The following TNFRSF10D variants were observed in gnomAD, a reference collection of about 807,000 sequenced individuals.
The protein encoded by TNFRSF10D is tumor necrosis factor receptor superfamily member 10D.
A neutral mutation model predicts 42.1 loss-of-function variants in TNFRSF10D; 28 were observed. That is an observed-to-expected ratio of 0.66 (90% CI 0.49 to 0.91). TNFRSF10D has a LOEUF of 0.91. Ranked by LOEUF, TNFRSF10D falls within the 40% of genes least tolerant of loss-of-function variation. The pLI is 0.00. For missense variants in TNFRSF10D, 503 were observed against 486.1 expected, an observed-to-expected ratio of 1.03 and a Z score of -0.33; for synonymous variants, 186 against 189.4, an observed-to-expected ratio of 0.98 and a Z score of 0.15.
rs55636833 is a variant in TNFRSF10D at position 23,144,577 on chromosome 8, C to A, written c.827G>T (p.Arg276Leu). Residue 276 changes from arginine (R) to leucine (L), a missense_variant, in exon 7 of 9, where the codon CGC (arginine) becomes CTC (leucine). Arg to Leu is a moderately radical substitution (Grantham distance 102). Transcript: ENST00000312584. ...SRVPGAEDNARNETLSNRYLQ... is the reference protein window; with the variant it reads ...SRVPGAEDNALNETLSNRYLQ... ...GTATCTGTTACTCAGGGTCTCGTTG[C>A]GGGCATTGTCCTCCGCCCCAGGAAC... is the stretch of plus-strand genomic sequence containing the variant. 6.2e-7 allele frequency: 1 copy of A among 1,614,120 alleles called. No individual in the cohort carries two copies. The highest frequency in any genetic ancestry group is 8.5e-7 in the Non-Finnish European group (1 of 1,180,014).
chr8:23,137,337 T>C lies in TNFRSF10D; in HGVS notation c.*533A>G, dbSNP rs1334231069. 6.6e-6 allele frequency: 1 copy of C among 152,510 alleles called. No individual in the cohort carries two copies. The highest frequency in any genetic ancestry group is 2.4e-5 in the African/African-American group (1 of 41,446). 9.4% of individuals were successfully genotyped at this position (152,510 alleles called of 1,614,324 possible). A position where few individuals can be genotyped will look rare whatever the true frequency, so the allele number is the denominator to read the frequency against. ...GTTAAAAAACTATAAGGCAAAGCAT[T>C]GTGGCTGTGCGGCATCTGTAGTTAG... On this transcript the variant is annotated 3_prime_UTR_variant, in exon 9 of 9. Transcript: ENST00000312584.
chr8:23,157,104 A>G (rs552648269), intron 1 of TNFRSF10D, among the ~76,000 whole-genome samples: 19 of 152,276 alleles, frequency 1.2e-4, no homozygotes, highest in African/African-American at 4.1e-4. Flanking sequence ...GTTTTTTAAT[A>G]TACTCATAGC....
intron 1 of TNFRSF10D, among the ~76,000 whole-genome samples, 178 bp downstream of exon 1, chr8:23,163,608 C>T (rs1800407041): frequency 1.3e-5 from 2 of 152,116 alleles, no homozygotes; most frequent in Non-Finnish European, 2.9e-5. Flanking sequence ...CCCGGTCGCT[C>T]CTGCCCAGCC....
chr8:23,146,070 C>T (rs1326204978), intron 4 of TNFRSF10D, 149 bp from the exon 5 acceptor site: 1 of 1,059,702 alleles, frequency 9.4e-7, no homozygotes, highest in South Asian at 1.4e-5. Flanking sequence ...CCTGTGCTCC[C>T]TTCTTGAGGC....
At position 23,145,733 on chromosome 8, in the gene TNFRSF10D, GCTAAAATGATGA is replaced by G. The variant is rs372742075; in HGVS notation, c.659_670del (p.Val220_Leu223del). The stretch of plus-strand genomic sequence containing the variant: ...ACATGAAAAGCCAACCACAACCACA[GCTAAAATGATGA>G]CTAAAACCACTATGATGATAAGGTA... On this transcript the variant is annotated inframe_deletion, in exon 5 of 9. Transcript: ENST00000312584. 2,432 of 1,613,414 alleles carry G rather than the reference GCTAAAATGATGA, an allele frequency of 1.5e-3. No homozygotes were observed. In the African/African-American group the frequency reaches 0.018, roughly 12 times the overall value.
chr8:23,150,364 C>T (rs1316152196), intron 2 of TNFRSF10D, among the ~76,000 whole-genome samples: 1 of 152,252 alleles, frequency 6.6e-6, no homozygotes, highest in African/African-American at 2.4e-5. Context: ...AACCACACCA[C>T]ATGGCCTGCC....
intron 2 of TNFRSF10D, among the ~76,000 whole-genome samples, chr8:23,149,414 T>C (rs1490739727): frequency 6.6e-6 from 1 of 151,514 alleles, no homozygotes; most frequent in Non-Finnish European, 1.5e-5. Context: ...ATTTTTTGTA[T>C]TCTTAGTTGA....
chr8:23,138,104 GC>G, intron 8 of TNFRSF10D, 83 bp downstream of exon 8: 1 of 1,609,682 alleles, frequency 6.2e-7, no homozygotes, highest in Non-Finnish European at 8.5e-7. Context: ...CTCCAGAAGA[GC>G]CCTCTCAGCT....
intron 4 of TNFRSF10D, 81 bp from the exon 5 acceptor site, chr8:23,146,002 C>T (rs1800115045): frequency 8.8e-6 from 14 of 1,596,976 alleles, no homozygotes; most frequent in Admixed American, 1.7e-5. Flanking sequence ...ACCCTCCCTG[C>T]CCAAAGTCCC....
Position 23,145,775 on chromosome 8 carries a change from T to G in TNFRSF10D, c.629A>C (p.Tyr210Ser), listed in dbSNP as rs563016426. ...TTILGMLASP[Y>S]HYLIIIVVLV... ...AACCACTATGATGATAAGGTAGTGA[T>G]AGGGAGAGGCAAGCATCCCCAGGAT... Residue 210 changes from tyrosine (Y) to serine (S), a missense_variant, in exon 5 of 9, where the codon TAT becomes TCT. Transcript: ENST00000312584. 6.2e-7 allele frequency: 1 copy of G among 1,613,982 alleles called. No individual in the cohort carries two copies. Among genetic ancestry groups the G allele is most frequent in the African/African-American group, 1.3e-5 (1 of 74,902 alleles).
intron 4 of TNFRSF10D, 27 bp downstream of exon 4, chr8:23,146,934 G>GT (rs749731152): frequency 6.3e-7 from 1 of 1,589,578 alleles, no homozygotes; most frequent in South Asian, 1.1e-5. Context: ...CCTGAAAGCT[G>GT]TTGGGAGCCC....
chr8:23,154,956 G>A lies in TNFRSF10D; in HGVS notation c.174C>T (p.Ile58=), dbSNP rs1459531779. ...GCTGGGGAACTTCGTCCTGCCGGGG[G>A]ATGGTGGCAGAGTCAACCCGGACCT... The part of the protein sequence containing the change: ...LLPVRVDSAT[I]PRQDEVPQQT... Residue 58 remains isoleucine (I), a synonymous_variant, in exon 2 of 9, where the codon ATC becomes ATT. Coordinates refer to ENST00000312584, the MANE Select transcript of TNFRSF10D (RefSeq NM_003840.5). 6.2e-7 allele frequency: 1 copy of A among 1,612,876 alleles called. No homozygotes were observed.
rs777700688 is a variant in TNFRSF10D at position 23,145,846 on chromosome 8, G to A, written c.558C>T (p.Ala186=). Residue 186 remains alanine, a synonymous_variant, in exon 5 of 9, where the codon GCC becomes GCT. Transcript: ENST00000312584. ...CTGCTGGGGTTTTCCCAGTGGAACT[G>A]GCAGCTGATTCATTTTTGCACTTGA... The part of the protein sequence containing the change: ...SDIKCKNESA[A]SSTGKTPAAE... 9.3e-6 allele frequency: 15 copies of A among 1,614,080 alleles called. No individual in the cohort carries two copies. In the Admixed American group the frequency reaches 1.8e-4, roughly 20 times the overall value.
chr8:23,142,620 A>T (rs1198075284), intron 7 of TNFRSF10D, among the ~76,000 whole-genome samples: 1 of 152,162 alleles, frequency 6.6e-6, no homozygotes, highest in Non-Finnish European at 1.5e-5. Flanking sequence ...CGAGAGGAGG[A>T]AGGGGTGAAA....
Position 23,140,059 on chromosome 8 carries a change from G to A in TNFRSF10D, c.955-1799C>T, listed in dbSNP as rs908861578. On this transcript the variant is annotated intron_variant, in intron 7 of 8. Coordinates refer to ENST00000312584, the MANE Select transcript of TNFRSF10D (RefSeq NM_003840.5). ...AATCTCAGCACTTTGGGAGGCCAAGGAGGGCGGATCACAAGGTCAGGAGAT... is the reference window on the plus strand; with the variant it reads ...AATCTCAGCACTTTGGGAGGCCAAGAAGGGCGGATCACAAGGTCAGGAGAT... 2.6e-5 allele frequency among the ~76,000 whole-genome samples: 4 copies of A among 152,168 alleles called. No individual in the cohort carries two copies. The East Asian group carries it at 7.7e-4, about 29-fold the overall frequency.
At chr8:23,140,536 T>C (rs775685747) in intron 7 of TNFRSF10D, among the ~76,000 whole-genome samples, 1 of 152,186 alleles carries the variant, frequency 6.6e-6, no homozygotes, top group South Asian at 2.1e-4. Context: ...GCTCATGGAT[T>C]GGAAGAATTA....
chr8:23,143,541 T>C (rs1050934479), intron 7 of TNFRSF10D, among the ~76,000 whole-genome samples: 1 of 152,152 alleles, frequency 6.6e-6, no homozygotes, highest in Non-Finnish European at 1.5e-5. Context: ...TTTCCTTACC[T>C]TTTTATACTT....
chr8:23,149,074 T>C (rs367602597), intron 2 of TNFRSF10D, among the ~76,000 whole-genome samples: 2,411 of 148,030 alleles, frequency 0.016, 46 homozygotes, highest in Middle Eastern at 0.068. Flanking sequence ...CCTGTAATCC[T>C]AGCTACTCGG....
Position 23,148,510 on chromosome 8 carries a change from T to C in TNFRSF10D, c.298A>G (p.Thr100Ala). The C allele has an allele frequency of 3.7e-6, 6 of 1,610,908 alleles. No homozygotes were observed. Among genetic ancestry groups the C allele is most frequent in the East Asian group, 4.5e-5 (2 of 44,776 alleles). The change falls in exon 3 of 9, where the codon ACA becomes GCA. Residue 100 changes from threonine (T) to alanine (A), a missense_variant. Transcript: ENST00000312584. ...SEYTGACNPCTEGVDYTIASN... is the reference protein window; with the variant it reads ...SEYTGACNPCAEGVDYTIASN... Reference sequence around the variant, plus strand: ...GCAATGGTGTAATCCACACCCTCTGTGCACGGGTTACAGGCTCCAGTATAT... The same window carrying C: ...GCAATGGTGTAATCCACACCCTCTGCGCACGGGTTACAGGCTCCAGTATAT...
Sources: gnomAD v4.1 joint callset for allele counts (sites outside exome capture counted in the v4.1 genomes callset) on GRCh38, gnomAD v4.1.1 for gene constraint, MANE v1.5 for transcripts, NCBI Gene and HGNC (gene_info 2026-07-23, HGNC 2026-07-21) for gene names.